Variants in MIB1 observed in about 807,000 individuals in gnomAD.
MIB1 encodes the protein E3 ubiquitin-protein ligase MIB1.
A neutral mutation model predicts 124.5 loss-of-function variants in MIB1; 278 were observed. That is an observed-to-expected ratio of 2.23 (90% CI 2.02 to 2.47). MIB1 has a LOEUF of 2.47. Among genes scored for constraint, MIB1 ranks in the 30% most tolerant of loss-of-function variants. The pLI, the probability that MIB1 is intolerant of heterozygous loss-of-function variation, is 0.00. For synonymous variants in MIB1, 446 were observed against 429.4 expected (o/e 1.04, Z -0.48); for missense variants, 957 against 1,254.4 (o/e 0.76, Z 3.58).
chr18:21,776,381 G>A (rs188212877), intron 4 of MIB1, among the ~76,000 whole-genome samples: 29 of 152,234 alleles, frequency 1.9e-4, no homozygotes, highest in East Asian at 1.7e-3. Context: ...GTGAGTGTGC[G>A]TGTGTGTGCA....
At chr18:21,851,313 A>T (rs1180091507) in intron 17 of MIB1, among the ~76,000 whole-genome samples, 2 of 152,204 alleles carry the variant, frequency 1.3e-5, no homozygotes, top group Non-Finnish European at 2.9e-5. Flanking sequence ...AGGAAAGAGG[A>T]AAGAATATGC....
intron 1 of MIB1, among the ~76,000 whole-genome samples, chr18:21,731,589 C>T (rs1406315642): frequency 5.3e-5 from 8 of 151,726 alleles, no homozygotes; most frequent in East Asian, 1.9e-4. Flanking sequence ...AAACATTAGC[C>T]GGCGTGGTGG....
intron 15 of MIB1, among the ~76,000 whole-genome samples, chr18:21,844,995 T>C (rs954498540): frequency 2.8e-4 from 42 of 152,144 alleles, no homozygotes; most frequent in African/African-American, 1.0e-3. Context: ...TCCCAGTTGG[T>C]AGGAGATTTG....
At chr18:21,752,738 C>A (rs1654553032) in intron 1 of MIB1, among the ~76,000 whole-genome samples, 1 of 152,038 alleles carries the variant, frequency 6.6e-6, no homozygotes, top group South Asian at 2.1e-4. Context: ...AATTAAAAAA[C>A]AAAAAACAAC....
At chr18:21,778,038 T>C (rs1442392557) in intron 4 of MIB1, 65 bp from the exon 5 acceptor site, 18 of 1,082,034 alleles carry the variant, frequency 1.7e-5, no homozygotes, top group Non-Finnish European at 1.9e-5. Context: ...TATTCTTGCC[T>C]GTTTCAGATA....
At chr18:21,857,298 A>G (rs2042238345) in intron 19 of MIB1, 55 bp downstream of exon 19, 1 of 1,056,260 alleles carries the variant, frequency 9.5e-7, no homozygotes, top group Non-Finnish European at 1.5e-6. Context: ...GGACTTGCAT[A>G]AACACCTCTT....
chr18:21,771,819 A>G (rs1568194634), intron 3 of MIB1, among the ~76,000 whole-genome samples: 1 of 151,556 alleles, frequency 6.6e-6, no homozygotes, highest in South Asian at 2.1e-4. Flanking sequence ...ACATGGCGAA[A>G]CCCCATCTCT....
chr18:21,804,158 A>T, intron 10 of MIB1, 144 bp downstream of exon 10: 1 of 630,690 alleles, frequency 1.6e-6, no homozygotes, highest in South Asian at 2.0e-5. Flanking sequence ...TGACAGAGGC[A>T]ACTTGAAACA....
chr18:21,798,090 G>A lies in MIB1; in HGVS notation c.1099G>A (p.Gly367Ser). 6.2e-7 allele frequency: 1 copy of A among 1,612,462 alleles called. No individual in the cohort carries two copies. The highest frequency in any genetic ancestry group is 8.5e-7 in the Non-Finnish European group (1 of 1,178,998). ...ATCTATTTTTTTCCCCAAGACTTTA[G>A]GTAAAGTTGGCCGAGTACAACAGAT... ...EWAEAMLPTL[G>S]KVGRVQQIYS... is the part of the protein sequence containing the mutation. The change falls in exon 8 of 21, where the codon GGT (glycine) becomes AGT (serine). Residue 367 changes from glycine (G) to serine (S), a missense_variant. By Grantham distance (56) the Gly-to-Ser change is moderately conservative. Coordinates refer to ENST00000261537, the MANE Select transcript of MIB1 (RefSeq NM_020774.4).
At chr18:21,749,278 G>A (rs79078751) in intron 1 of MIB1, among the ~76,000 whole-genome samples, 3,172 of 152,200 alleles carry the variant, frequency 0.021, 56 homozygotes, top group Admixed American at 0.032. Context: ...CTTTTTAAAT[G>A]AATATTGTCT....
chr18:21,803,472 AGTTG>A (rs2041671353), intron 9 of MIB1, among the ~76,000 whole-genome samples: 2 of 152,332 alleles, frequency 1.3e-5, no homozygotes, highest in Admixed American at 6.5e-5. Flanking sequence ...TTTGCCTGCA[AGTTG>A]ATGTTTGGTA....
intron 6 of MIB1, among the ~76,000 whole-genome samples, chr18:21,785,311 A>G (rs564328214): frequency 6.6e-6 from 1 of 152,194 alleles, no homozygotes; most frequent in East Asian, 1.9e-4. Context: ...TGGTACCCCA[A>G]GCCCAGCTGT....
At chr18:21,710,867 G>A (rs1359909309) in intron 1 of MIB1, among the ~76,000 whole-genome samples, 4 of 133,248 alleles carry the variant, frequency 3.0e-5, no homozygotes, top group South Asian at 4.6e-4. Context: ...AGTCTCTGTC[G>A]CCAGGCTGGA....
At chr18:21,757,900 G>A (rs1028437693) in intron 1 of MIB1, among the ~76,000 whole-genome samples, 4 of 152,106 alleles carry the variant, frequency 2.6e-5, no homozygotes, top group African/African-American at 4.8e-5. Context: ...CCCTAGATAC[G>A]TAATTATTCT....
Position 21,868,733 on chromosome 18 carries a change from C to T in MIB1, c.*4067C>T, listed in dbSNP as rs1056839515. ...ATATTACTTGATAGTCATATATAGC[C>T]TAGGAAATTTAACATATATATAACT... On this transcript the variant is annotated 3_prime_UTR_variant, in exon 21 of 21. Transcript: ENST00000261537. The T allele has an allele frequency of 5.9e-5, 9 of 152,232 alleles. No homozygotes were observed. The highest frequency in any genetic ancestry group is 1.9e-4 in the African/African-American group (8 of 41,386). The allele number at this position is 152,232 out of a possible 1,614,324, so 9.4% of individuals were successfully genotyped here.
intron 20 of MIB1, among the ~76,000 whole-genome samples, chr18:21,859,162 C>T (rs1483211107): frequency 6.6e-6 from 1 of 152,158 alleles, no homozygotes; most frequent in East Asian, 1.9e-4. Flanking sequence ...GCAATCTCAG[C>T]ACTTTGGGAG....
At chr18:21,756,419 T>G (rs1032024371) in intron 1 of MIB1, among the ~76,000 whole-genome samples, 1 of 152,200 alleles carries the variant, frequency 6.6e-6, no homozygotes, top group Non-Finnish European at 1.5e-5. Context: ...AATCAAATTA[T>G]GAGTTTTTAC....
At chr18:21,751,340 G>A (rs1000112129) in intron 1 of MIB1, among the ~76,000 whole-genome samples, 1 of 151,994 alleles carries the variant, frequency 6.6e-6, no homozygotes, top group African/African-American at 2.4e-5. Context: ...GCAGTGGCAC[G>A]ATCTTGGCTC....
At chr18:21,789,522 C>T (rs567975721) in intron 6 of MIB1, among the ~76,000 whole-genome samples, 5 of 152,202 alleles carry the variant, frequency 3.3e-5, no homozygotes, top group South Asian at 2.1e-4. Flanking sequence ...ACTAATCTTC[C>T]GATTAAGTGT....
Sources: allele counts gnomAD v4.1 joint callset (sites outside exome capture counted in the v4.1 genomes callset), GRCh38; gene constraint gnomAD v4.1.1; transcripts MANE v1.5; gene names NCBI Gene and HGNC (gene_info 2026-07-23, HGNC 2026-07-21).